Variants in TESK2 observed in about 807,000 individuals in gnomAD.
TESK2 encodes testis associated actin remodelling kinase 2, also known as dual specificity testis-specific protein kinase 2.
A neutral mutation model predicts 57.1 loss-of-function variants in TESK2; 39 were observed. That is an observed-to-expected ratio of 0.68 (90% CI 0.53 to 0.89). The LOEUF is 0.89. Ranked by LOEUF, TESK2 falls within the 40% of genes least tolerant of loss-of-function variation. TESK2 has a pLI of 0.00. For synonymous variants in TESK2, 249 were observed against 267.9 expected (o/e 0.93, Z 0.69); for missense variants, 646 against 732.1 (o/e 0.88, Z 1.36).
chr1:45,407,005 CT>C (rs1649873504), intron 3 of TESK2, among the ~76,000 whole-genome samples: 1 of 152,142 alleles, frequency 6.6e-6, no homozygotes, highest in Admixed American at 6.5e-5. Context: ...AAATATTTCC[CT>C]TCCAATATTG....
intron 1 of TESK2, among the ~76,000 whole-genome samples, chr1:45,485,139 G>C (rs1429854095): frequency 6.6e-6 from 1 of 152,046 alleles, no homozygotes; most frequent in Non-Finnish European, 1.5e-5. Flanking sequence ...CATGGAACCA[G>C]GTTAATAAAG....
chr1:45,349,523 C>T (rs1647203402), intron 5 of TESK2, among the ~76,000 whole-genome samples: 1 of 152,176 alleles, frequency 6.6e-6, no homozygotes, highest in Admixed American at 6.5e-5. Context: ...ATGTCTCTTC[C>T]CTCCTAGAAG....
chr1:45,418,607 G>A (rs1650342899), intron 3 of TESK2, among the ~76,000 whole-genome samples: 1 of 152,086 alleles, frequency 6.6e-6, no homozygotes, highest in Admixed American at 6.6e-5. Context: ...TAATCTCTTG[G>A]CCTCAATGGA....
intron 4 of TESK2, among the ~76,000 whole-genome samples, chr1:45,360,793 A>G (rs2149266994): frequency 6.6e-6 from 1 of 152,238 alleles, no homozygotes; most frequent in Non-Finnish European, 1.5e-5. Context: ...TAAGAAAAGG[A>G]AATTTGAGAT....
intron 5 of TESK2, among the ~76,000 whole-genome samples, chr1:45,348,627 A>G (rs1453723962): frequency 6.6e-6 from 1 of 152,214 alleles, no homozygotes; most frequent in Non-Finnish European, 1.5e-5. Flanking sequence ...CCAAACCTGA[A>G]CAGGTCCTTC....
At chr1:45,403,847 T>G (rs552213188) in intron 3 of TESK2, among the ~76,000 whole-genome samples, 1 of 150,630 alleles carries the variant, frequency 6.6e-6, no homozygotes, top group South Asian at 2.1e-4. Flanking sequence ...TTAACAAAAA[T>G]TTTAAATCAC....
At chr1:45,401,149 C>T (rs1475516193) in intron 3 of TESK2, among the ~76,000 whole-genome samples, 1 of 151,846 alleles carries the variant, frequency 6.6e-6, no homozygotes, top group Admixed American at 6.6e-5. Flanking sequence ...GTAATCCCAG[C>T]ACTTTGGGAG....
intron 4 of TESK2, among the ~76,000 whole-genome samples, chr1:45,365,044 C>T (rs558942574): frequency 3.2e-4 from 49 of 152,256 alleles, no homozygotes; most frequent in Middle Eastern, 3.4e-3. Flanking sequence ...TGCTGGCCAC[C>T]GTATGTTTGT....
intron 3 of TESK2, among the ~76,000 whole-genome samples, chr1:45,391,216 CT>C (rs1191605172): frequency 2.3e-3 from 273 of 118,730 alleles, no homozygotes; most frequent in Middle Eastern, 0.014. Flanking sequence ...GCGCCCAGCC[CT>C]TTTTTTTTTT....
At chr1:45,430,674 T>C (rs1384143150) in intron 2 of TESK2, among the ~76,000 whole-genome samples, 1 of 152,222 alleles carries the variant, frequency 6.6e-6, no homozygotes, top group East Asian at 1.9e-4. Context: ...GCATGGCACA[T>C]GACTTTTGGG....
At chr1:45,404,760 C>G (rs1649767446) in intron 3 of TESK2, among the ~76,000 whole-genome samples, 1 of 151,896 alleles carries the variant, frequency 6.6e-6, no homozygotes, top group South Asian at 2.1e-4. Flanking sequence ...CCAGGTTAGT[C>G]TCGAATACCT....
intron 1 of TESK2, among the ~76,000 whole-genome samples, chr1:45,475,807 G>A (rs573751337): frequency 3.9e-5 from 6 of 152,292 alleles, no homozygotes; most frequent in Admixed American, 1.3e-4. Context: ...TGGAAAAGCA[G>A]ACTTGCTGAG....
chr1:45,442,294 CT>C (rs76484911), intron 2 of TESK2, among the ~76,000 whole-genome samples: 576 of 144,246 alleles, frequency 4.0e-3, no homozygotes, highest in East Asian at 0.015. Context: ...CTCACTAAAG[CT>C]TTTTTTTTTT....
intron 2 of TESK2, among the ~76,000 whole-genome samples, chr1:45,441,187 T>C (rs1438974666): frequency 6.6e-6 from 1 of 152,246 alleles, no homozygotes; most frequent in Admixed American, 6.5e-5. Context: ...TGTTTGTTTT[T>C]TGAGACAGAG....
intron 1 of TESK2, among the ~76,000 whole-genome samples, chr1:45,475,209 CTTTTTTT>C (rs375872140): frequency 0.05 from 5,711 of 113,186 alleles, 184 homozygotes; most frequent in South Asian, 0.08. Context: ...TTAGCCTGGC[CTTTTTTT>C]TTTTTTTTTT....
At chr1:45,415,551 C>T (rs541919371) in intron 3 of TESK2, among the ~76,000 whole-genome samples, 2 of 151,752 alleles carry the variant, frequency 1.3e-5, no homozygotes, top group East Asian at 3.9e-4. Flanking sequence ...AACTAAATAA[C>T]AACAACAACA....
Position 45,344,567 on chromosome 1 carries a change from G to A in TESK2, c.*273C>T, listed in dbSNP as rs181642622. The A allele has an allele frequency of 6.8e-6, 3 of 439,968 alleles. No individual in the cohort carries two copies. In the East Asian group the frequency reaches 1.3e-4, roughly 18 times the overall value. 27.3% of individuals were successfully genotyped at this position (439,968 alleles called of 1,614,324 possible). On this transcript the variant is annotated 3_prime_UTR_variant, in exon 11 of 11. Coordinates refer to ENST00000372086, the MANE Select transcript of TESK2 (RefSeq NM_007170.3). The stretch of plus-strand genomic sequence containing the variant: ...ACTAGACATCCTCTGGTCCTATCTG[G>A]GGAAGTACACTGGAGAGGGTCTGGT...
chr1:45,468,933 G>A lies in TESK2; in HGVS notation c.-86-11062C>T, dbSNP rs181402594. On this transcript the variant is annotated intron_variant, in intron 1 of 10. Transcript: ENST00000372086. Reference sequence around the variant, plus strand: ...TTCTTAGACTAGGAAATAGCATTTAGCAGTCTTTCAAAAATGCCCAAATTA... The same window carrying A: ...TTCTTAGACTAGGAAATAGCATTTAACAGTCTTTCAAAAATGCCCAAATTA... Among the ~76,000 whole-genome samples, 4 of 152,292 alleles carry A rather than the reference G, an allele frequency of 2.6e-5. No individual in the cohort carries two copies. In the East Asian group the frequency reaches 7.7e-4, roughly 29 times the overall value.
intron 2 of TESK2, among the ~76,000 whole-genome samples, chr1:45,449,557 ATTAATTAATTAAT>A (rs1053809559): frequency 2.0e-5 from 3 of 152,064 alleles, no homozygotes; most frequent in African/African-American, 7.2e-5. Context: ...TGGAGGATAG[ATTAATTAATTAAT>A]TAATTAATTT....
Sources: allele counts gnomAD v4.1 joint callset (sites outside exome capture counted in the v4.1 genomes callset), GRCh38; gene constraint gnomAD v4.1.1; transcripts MANE v1.5; gene names NCBI Gene and HGNC (gene_info 2026-07-23, HGNC 2026-07-21).